The following GDF1 variants were observed in gnomAD, a reference collection of about 807,000 sequenced individuals.
The protein encoded by GDF1 is embryonic growth/differentiation factor 1.
A neutral mutation model predicts 7.4 loss-of-function variants in GDF1; 8 were observed. The observed-to-expected ratio is 1.09, with a 90% CI of 0.64 to 1.96. The LOEUF is 1.96. Among genes scored for constraint, GDF1 ranks in the 30% most tolerant of loss-of-function variants. The pLI, the probability that GDF1 is intolerant of heterozygous loss-of-function variation, is 0.00. For missense variants in GDF1, 574 were observed against 551.5 expected, an observed-to-expected ratio of 1.04 and a Z score of -0.41; for synonymous variants, 311 against 276.7, an observed-to-expected ratio of 1.12 and a Z score of -1.23.
intron 5 of GDF1, 80 bp from the exon 6 acceptor site, chr19:18,879,119 C>T (rs1017345238): frequency 1.1e-5 from 17 of 1,585,744 alleles, no homozygotes; most frequent in South Asian, 2.3e-5. Flanking sequence ...GCTCCTGTCC[C>T]GGGCCCTCCA....
Position 18,884,071 on chromosome 19 carries a change from C to T in GDF1, c.-733+16G>A. 1 of 1,604,470 alleles carries T rather than the reference C, an allele frequency of 6.2e-7. No homozygotes were observed. The highest frequency in any genetic ancestry group is 8.5e-7 in the Non-Finnish European group (1 of 1,173,412). ...GGGCTGTGCCTCGGCCCCCTGCCAC[C>T]CGATCCTGTCCTTACCGGAAGGCGT... On this transcript the variant is annotated intron_variant, in intron 3 of 7. Transcript: ENST00000247005.
chr19:18,874,259 A>G (rs537092784), intron 6 of GDF1, among the ~76,000 whole-genome samples: 17 of 152,262 alleles, frequency 1.1e-4, no homozygotes, highest in South Asian at 4.2e-4. Flanking sequence ...CTCAGGAGAG[A>G]AGATGCTCCT....
At position 18,879,246 on chromosome 19, in the gene GDF1, A is replaced by G; in HGVS notation, c.-428T>C. 1 of 1,613,632 alleles carries G rather than the reference A, an allele frequency of 6.2e-7. No individual in the cohort carries two copies. The highest frequency in any genetic ancestry group is 8.5e-7 in the Non-Finnish European group (1 of 1,179,786). The stretch of plus-strand genomic sequence containing the variant: ...GAGAGCCGGGGCCGACTCACCAGGA[A>G]CCAGTAGAGGTTCATAAGGGTGAGC... On this transcript the variant is annotated 5_prime_UTR_variant, in exon 5 of 8. Coordinates refer to ENST00000247005, the MANE Select transcript of GDF1 (RefSeq NM_001492.6).
chr19:18,878,130 C>T lies in GDF1; in HGVS notation c.-313+800G>A. The T allele has an allele frequency of 3.0e-6, 3 of 985,510 alleles. No homozygotes were observed. Among genetic ancestry groups the T allele is most frequent in the Non-Finnish European group, 3.6e-6 (3 of 830,008 alleles). The allele number at this position is 985,510 out of a possible 1,614,324, so 61.0% of individuals were successfully genotyped here. On this transcript the variant is annotated intron_variant, in intron 6 of 7. Coordinates refer to ENST00000247005, the MANE Select transcript of GDF1 (RefSeq NM_001492.6). The surrounding 1 kb of genome is among the most constrained non-coding windows in gnomAD (Gnocchi z 4.6). ...CCATCGTTCCCACGTCACCGATGGC[C>T]CCCACCGGCCAAATCAGAGGGCCTG...
chr19:18,869,986 G>T lies in GDF1; in HGVS notation c.322C>A (p.Arg108Ser), dbSNP rs764931939. 2.0e-5 allele frequency: 32 copies of T among 1,588,926 alleles called. 1 individual carries two copies. In the South Asian group the frequency reaches 3.6e-4, roughly 18 times the overall value. The change falls in exon 7 of 8, where the codon CGC becomes AGC. Residue 108 changes from arginine to serine, a missense_variant. Physicochemically the swap from Arg to Ser is moderately radical, Grantham distance 110. Transcript: ENST00000247005. ...CCCCAGCGAAAGCCCCACTCACCGC[G>T]GTCCGGGATGTGGCGCACGATGTTT... The part of the protein sequence containing the change: ...AGNIVRHIPD[R>S]GAPTRASEPA...
chr19:18,884,360 C>T, intron 2 of GDF1, 93 bp from the exon 3 acceptor site: 1 of 1,168,610 alleles, frequency 8.6e-7, no homozygotes, highest in Non-Finnish European at 1.2e-6. Context: ...CACACGTGTC[C>T]TCCCAGTACC....
intron 1 of GDF1, 126 bp from the exon 2 acceptor site, chr19:18,893,701 G>T: frequency 1.1e-6 from 1 of 933,544 alleles, no homozygotes; most frequent in Non-Finnish European, 1.6e-6. Context: ...TGTCCCCCAT[G>T]CCCACAGCCA....
At chr19:18,885,511 G>GTGTTT (rs2056327287) in intron 2 of GDF1, among the ~76,000 whole-genome samples, 1 of 22,122 alleles carries the variant, frequency 4.5e-5, no homozygotes, top group Non-Finnish European at 1.2e-4. Context: ...GCCCCTTCTC[G>GTGTTT]TTTTTTTTTT....
intron 2 of GDF1, among the ~76,000 whole-genome samples, chr19:18,892,001 C>T (rs2056503054): frequency 6.6e-6 from 1 of 151,714 alleles, no homozygotes; most frequent in East Asian, 2.0e-4. Flanking sequence ...TCAAGTGATT[C>T]TCCTGACTCA....
chr19:18,887,808 G>T (rs2056397882), intron 2 of GDF1, among the ~76,000 whole-genome samples: 1 of 151,084 alleles, frequency 6.6e-6, no homozygotes, highest in African/African-American at 2.4e-5. Flanking sequence ...TAAGCCATTT[G>T]TTAAGTACAC....
rs537891774 is a variant in GDF1, at chr19:18,870,940, G to A, written c.-312-321C>T. 5.3e-5 allele frequency among the ~76,000 whole-genome samples: 8 copies of A among 152,150 alleles called. No homozygotes were observed. The East Asian group carries it at 1.5e-3, about 29-fold the overall frequency. On this transcript the variant is annotated intron_variant, in intron 6 of 7. Coordinates refer to ENST00000247005, the MANE Select transcript of GDF1 (RefSeq NM_001492.6). The surrounding 1 kb of genome is among the most constrained non-coding windows in gnomAD (Gnocchi z 5.1). The stretch of plus-strand genomic sequence containing the variant: ...GCTGGAGGGCAAAACCCACGTACCG[G>A]CCTGGGCCTGACAACTCCACCGCCT...
chr19:18,883,739 G>A (rs2056274141), intron 3 of GDF1, among the ~76,000 whole-genome samples: 1 of 152,158 alleles, frequency 6.6e-6, no homozygotes. Flanking sequence ...CATTGCTTGG[G>A]CGTGGCAGGT....
Position 18,868,941 on chromosome 19 carries a change from A to G in GDF1, c.775T>C (p.Leu259=). 7.9e-7 allele frequency: 1 copy of G among 1,269,468 alleles called. No homozygotes were observed. Among genetic ancestry groups the G allele is most frequent in the Non-Finnish European group, 1.0e-6 (1 of 1,001,650 alleles). 78.6% of individuals were successfully genotyped at this position (1,269,468 alleles called of 1,614,324 possible). The change falls in exon 8 of 8, where the codon TTG becomes CTG. Residue 259 remains leucine, a synonymous_variant. Coordinates refer to ENST00000247005, the MANE Select transcript of GDF1 (RefSeq NM_001492.6). ...ARPRRDAEPV[L]GGGPGGACRA... The stretch of plus-strand genomic sequence containing the variant: ...CAAGCGCCCCCGGGGCCGCCGCCCA[A>G]CACGGGTTCGGCGTCGCGCCGCGGC...
chr19:18,895,755 G>A lies in GDF1; in HGVS notation c.-1074+69C>T. Reference sequence around the variant, plus strand: ...GCTGGAAGAAAGGAACGCGCCGGCGGCCCCAGGTCCCCGGTCCCGGCTTCC... The same window carrying A: ...GCTGGAAGAAAGGAACGCGCCGGCGACCCCAGGTCCCCGGTCCCGGCTTCC... On this transcript the variant is annotated intron_variant, in intron 1 of 7. Coordinates refer to ENST00000247005, the MANE Select transcript of GDF1 (RefSeq NM_001492.6). The surrounding 1 kb of genome is among the most constrained non-coding windows in gnomAD (Gnocchi z 6.4). 2 of 883,410 alleles carry A rather than the reference G, an allele frequency of 2.3e-6. No homozygotes were observed. The highest frequency in any genetic ancestry group is 3.3e-5 in the South Asian group (1 of 30,378). 54.7% of individuals were successfully genotyped at this position (883,410 alleles called of 1,614,324 possible). A position where few individuals can be genotyped will look rare whatever the true frequency, so the allele number is the denominator to read the frequency against.
intron 7 of GDF1, 75 bp from the exon 8 acceptor site, chr19:18,869,465 G>A: frequency 6.7e-7 from 1 of 1,489,234 alleles, no homozygotes; most frequent in Non-Finnish European, 8.9e-7. Context: ...TAGGGACAGG[G>A]AGGAAGGTGA....
chr19:18,884,307 C>G (rs1449596501), intron 2 of GDF1, 40 bp from the exon 3 acceptor site: 2 of 1,562,224 alleles, frequency 1.3e-6, no homozygotes, highest in Non-Finnish European at 1.7e-6. Context: ...CCCTGCGAAG[C>G]CTCTAGACGA....
In GDF1 at chr19:18,895,991, C is replaced by T. The variant is rs1370577039; in HGVS notation, c.-1241G>A. The T allele has an allele frequency of 5.8e-6, 6 of 1,037,738 alleles. No individual in the cohort carries two copies. In the Admixed American group the frequency reaches 1.6e-4, roughly 28 times the overall value. The allele number at this position is 1,037,738 out of a possible 1,614,324, so 64.3% of individuals were successfully genotyped here. A position where few individuals can be genotyped will look rare whatever the true frequency, so the allele number is the denominator to read the frequency against. On this transcript the variant is annotated 5_prime_UTR_variant, in exon 1 of 8. Coordinates refer to ENST00000247005, the MANE Select transcript of GDF1 (RefSeq NM_001492.6). This position sits in a 1 kb window ranked among gnomAD's most constrained non-coding sequence, Gnocchi z 6.4. ...CCCCGCGCCGCCGCCAGCGCGCTGCCCCAGCCGCGCTGCACTAGCTGCGCG... is the reference window on the plus strand; with the variant it reads ...CCCCGCGCCGCCGCCAGCGCGCTGCTCCAGCCGCGCTGCACTAGCTGCGCG...
chr19:18,870,539 G>C lies in GDF1; in HGVS notation c.-232C>G. On this transcript the variant is annotated 5_prime_UTR_variant, in exon 7 of 8. Coordinates refer to ENST00000247005, the MANE Select transcript of GDF1 (RefSeq NM_001492.6). This position sits in a 1 kb window ranked among gnomAD's most constrained non-coding sequence, Gnocchi z 5.1. ...GACGGGGAGCGTGGCCGGGGTATTC[G>C]GGGTGGGGCCGGGTCCACGGGGGCG... 2 of 511,002 alleles carry C rather than the reference G, an allele frequency of 3.9e-6. No individual in the cohort carries two copies. Among genetic ancestry groups the C allele is most frequent in the Non-Finnish European group, 7.0e-6 (2 of 283,908 alleles). The allele number at this position is 511,002 out of a possible 1,614,324, so 31.7% of individuals were successfully genotyped here. A position where few individuals can be genotyped will look rare whatever the true frequency, so the allele number is the denominator to read the frequency against.
Position 18,884,223 on chromosome 19 carries a change from AGGCGG to A in GDF1, c.-874_-870del. The A allele has an allele frequency of 6.2e-7, 1 of 1,613,416 alleles. No individual in the cohort carries two copies. The highest frequency in any genetic ancestry group is 8.5e-7 in the Non-Finnish European group (1 of 1,179,808). ...CCATAGAAGCTTCCCTGGAGCAGGTAGGCGGCTGCAATGTCCCGTGGCACTGCCAT... is the reference window on the plus strand; with the variant it reads ...CCATAGAAGCTTCCCTGGAGCAGGTACTGCAATGTCCCGTGGCACTGCCAT... On this transcript the variant is annotated 5_prime_UTR_variant, in exon 3 of 8. An upstream open reading frame in the 5' UTR gains an earlier in-frame stop. Coordinates refer to ENST00000247005, the MANE Select transcript of GDF1 (RefSeq NM_001492.6).
Sources: allele counts gnomAD v4.1 joint callset (sites outside exome capture counted in the v4.1 genomes callset), GRCh38; gene constraint gnomAD v4.1.1; non-coding constraint Gnocchi (gnomAD v3.1); transcripts MANE v1.5; gene names NCBI Gene and HGNC (gene_info 2026-07-23, HGNC 2026-07-21).